Variants in CNTN3 observed in about 807,000 individuals in gnomAD.
CNTN3 encodes the protein contactin-3.
A neutral mutation model predicts 119.1 loss-of-function variants in CNTN3; 60 were observed. That is an observed-to-expected ratio of 0.50 (90% CI 0.41 to 0.62). The LOEUF is 0.62. Among genes scored for constraint, CNTN3 ranks in the 20% least tolerant of loss-of-function variants. The probability of loss-of-function intolerance (pLI) is 0.00; values close to 1 mark genes in which losing one functional copy is unlikely to be tolerated. For synonymous variants in CNTN3, 450 were observed against 438.7 expected (o/e 1.03, Z -0.32); for missense variants, 1,101 against 1,242.4 (o/e 0.89, Z 1.71).
chr3:74,382,108 T>C (rs1040195625), intron 5 of CNTN3, among the ~76,000 whole-genome samples: 3 of 152,020 alleles, frequency 2.0e-5, no homozygotes, highest in Non-Finnish European at 4.4e-5. Context: ...CTTGAGAGTC[T>C]GAGGCAGGAG....
At chr3:74,425,823 C>T (rs566979397) in intron 4 of CNTN3, among the ~76,000 whole-genome samples, 46 of 152,034 alleles carry the variant, frequency 3.0e-4, no homozygotes, top group African/African-American at 1.1e-3. Context: ...TCCTATTTTT[C>T]CCATATTCTG....
chr3:74,600,884 C>T (rs1704898945), intron 1 of CNTN3, among the ~76,000 whole-genome samples: 1 of 152,030 alleles, frequency 6.6e-6, no homozygotes, highest in South Asian at 2.1e-4. Flanking sequence ...ATCAATCCTA[C>T]ATTCATATGA....
intron 19 of CNTN3, among the ~76,000 whole-genome samples, chr3:74,291,507 A>G (rs1702229534): frequency 6.6e-6 from 1 of 152,136 alleles, no homozygotes; most frequent in Non-Finnish European, 1.5e-5. Context: ...ACTAGTTTAC[A>G]GTCCCACCAA....
At chr3:74,440,066 G>A (rs1368692080) in intron 4 of CNTN3, among the ~76,000 whole-genome samples, 2 of 152,126 alleles carry the variant, frequency 1.3e-5, no homozygotes, top group Non-Finnish European at 2.9e-5. Context: ...CCATATTTGG[G>A]TATAACTGGC....
chr3:74,527,847 T>C (rs1239379300), intron 1 of CNTN3, among the ~76,000 whole-genome samples: 1 of 151,934 alleles, frequency 6.6e-6, no homozygotes, highest in African/African-American at 2.4e-5. Context: ...AAGCTTTTTG[T>C]TTAAGAGCAA....
intron 1 of CNTN3, among the ~76,000 whole-genome samples, chr3:74,587,525 G>C (rs1023436540): frequency 6.6e-6 from 1 of 152,076 alleles, no homozygotes; most frequent in East Asian, 1.9e-4. Context: ...GCCACTTATG[G>C]TGGATATGCA....
chr3:74,462,981 T>C, intron 4 of CNTN3, among the ~76,000 whole-genome samples: 1 of 152,198 alleles, frequency 6.6e-6, no homozygotes, highest in East Asian at 1.9e-4. Flanking sequence ...TAGATCCATG[T>C]GTCATTCCCG....
At chr3:74,267,182 T>A (rs1417847517) in intron 21 of CNTN3, 84 bp downstream of exon 21, 3 of 770,500 alleles carry the variant, frequency 3.9e-6, no homozygotes, top group Non-Finnish European at 6.7e-6. Flanking sequence ...TATCAATATA[T>A]AGAAAAATTC....
At chr3:74,297,875 T>G (rs1702373095) in intron 18 of CNTN3, 82 bp downstream of exon 18, 1 of 1,044,184 alleles carries the variant, frequency 9.6e-7, no homozygotes, top group African/African-American at 1.6e-5. Flanking sequence ...ATATTTGAAG[T>G]CAAAACGAGA....
chr3:74,323,606 C>T (rs1703050622), intron 13 of CNTN3, among the ~76,000 whole-genome samples: 1 of 152,148 alleles, frequency 6.6e-6, no homozygotes, highest in Non-Finnish European at 1.5e-5. Flanking sequence ...GTATGGGAAT[C>T]ACATCTCAAT....
rs78704941 is a variant in CNTN3, at chr3:74,397,938, G to A, written c.455-26539C>T. The stretch of plus-strand genomic sequence containing the variant: ...CAAGTAAAACAAAATTAGAATTAGA[G>A]TCCAAAGATGTGACTGAATTGCTAC... On this transcript the variant is annotated intron_variant, in intron 5 of 22. Coordinates refer to ENST00000263665, the MANE Select transcript of CNTN3 (RefSeq NM_020872.3). Among the ~76,000 whole-genome samples, 111 of 152,244 alleles carry A rather than the reference G, an allele frequency of 7.3e-4. 1 individual carries two copies. The highest frequency in any genetic ancestry group is 3.4e-3 in the Middle Eastern group (1 of 294).
At chr3:74,586,458 C>T (rs113528707) in intron 1 of CNTN3, among the ~76,000 whole-genome samples, 4,443 of 152,076 alleles carry the variant, frequency 0.029, 84 homozygotes, top group South Asian at 0.041. Flanking sequence ...GAATATAATA[C>T]GCAATTTAAG....
chr3:74,435,540 T>A (rs998595360), intron 4 of CNTN3, among the ~76,000 whole-genome samples: 1 of 150,030 alleles, frequency 6.7e-6, no homozygotes, highest in Non-Finnish European at 1.5e-5. Flanking sequence ...ATATACTTGT[T>A]TGGCTTTTAC....
intron 2 of CNTN3, among the ~76,000 whole-genome samples, chr3:74,504,843 C>T (rs945152897): frequency 6.6e-6 from 1 of 152,030 alleles, no homozygotes; most frequent in Non-Finnish European, 1.5e-5. Flanking sequence ...ACTAAAAGCC[C>T]AAGAGGGTGT....
At chr3:74,560,839 C>T (rs984895036) in intron 1 of CNTN3, among the ~76,000 whole-genome samples, 2 of 151,848 alleles carry the variant, frequency 1.3e-5, no homozygotes, top group Non-Finnish European at 2.9e-5. Context: ...GAATACTATG[C>T]AGCCATAAAA....
intron 4 of CNTN3, among the ~76,000 whole-genome samples, chr3:74,470,395 C>T (rs1252599368): frequency 2.0e-5 from 3 of 152,138 alleles, no homozygotes; most frequent in Non-Finnish European, 4.4e-5. Flanking sequence ...CTTCTCCATT[C>T]CAGCTCACCA....
Position 74,361,929 on chromosome 3 carries a change from G to A in CNTN3, c.1325C>T (p.Ser442Phe). Residue 442 changes from serine to phenylalanine, a missense_variant, in exon 11 of 23, where the codon TCC becomes TTC. Ser to Phe is a radical substitution (Grantham distance 155, BLOSUM62 -2). Coordinates refer to ENST00000263665, the MANE Select transcript of CNTN3 (RefSeq NM_020872.3). ...KPRASPRALS[S>F]WKKGDVSVQE... ...CACGCTCACATCCCCCTTCTTCCAG[G>A]AAGAGAGTGCCCTTGGGGAGGCTCT... 6.2e-7 allele frequency: 1 copy of A among 1,613,598 alleles called. No homozygotes were observed. The highest frequency in any genetic ancestry group is 8.5e-7 in the Non-Finnish European group (1 of 1,179,696).
At chr3:74,272,482 A>G (rs1241074205) in intron 20 of CNTN3, among the ~76,000 whole-genome samples, 1 of 152,248 alleles carries the variant, frequency 6.6e-6, no homozygotes, top group African/African-American at 2.4e-5. Flanking sequence ...TTCAGAGCTT[A>G]CAAAACTAGG....
chr3:74,579,529 A>T (rs1335784464), intron 1 of CNTN3, among the ~76,000 whole-genome samples: 1 of 152,120 alleles, frequency 6.6e-6, no homozygotes, highest in Non-Finnish European at 1.5e-5. Flanking sequence ...GCTCTATAAA[A>T]CAAGTTTCAA....
Sources: gnomAD v4.1 joint callset for allele counts (sites outside exome capture counted in the v4.1 genomes callset) on GRCh38, gnomAD v4.1.1 for gene constraint, MANE v1.5 for transcripts, NCBI Gene and HGNC (gene_info 2026-07-23, HGNC 2026-07-21) for gene names.